Variants in ESR2 observed in about 807,000 individuals in gnomAD.
ESR2 encodes the protein estrogen receptor beta.
ESR2 carries 36 observed loss-of-function variants against 49.6 expected under a neutral mutation model. That is an observed-to-expected ratio of 0.73 (90% CI 0.56 to 0.96). ESR2 has a LOEUF of 0.96. Ranked by LOEUF, ESR2 falls within the 40% of genes least tolerant of loss-of-function variation. The pLI is 0.00. For missense variants in ESR2, 714 were observed against 693.0 expected, an observed-to-expected ratio of 1.03 and a Z score of -0.34; for synonymous variants, 320 against 266.1, an observed-to-expected ratio of 1.20 and a Z score of -1.97.
intron 1 of ESR2, among the ~76,000 whole-genome samples, chr14:64,313,956 C>G (rs1009954839): frequency 1.3e-5 from 2 of 151,776 alleles, no homozygotes; most frequent in African/African-American, 4.8e-5. Context: ...GCTCCTCTCT[C>G]AGTTGATAGA....
At chr14:64,280,714 T>C (rs2076649286) in intron 2 of ESR2, among the ~76,000 whole-genome samples, 1 of 152,198 alleles carries the variant, frequency 6.6e-6, no homozygotes, top group African/African-American at 2.4e-5. Flanking sequence ...GGTCTAGATT[T>C]AAAATAACTT....
chr14:64,277,021 A>G (rs1481010791), intron 3 of ESR2, among the ~76,000 whole-genome samples: 1 of 152,214 alleles, frequency 6.6e-6, no homozygotes, highest in East Asian at 1.9e-4. Context: ...ATGAACACCA[A>G]TAGGAAAGAG....
chr14:64,227,778 C>G (rs184960071), downstream of ESR2: 62 of 1,538,140 alleles, frequency 4.0e-5, 1 homozygote, highest in East Asian at 1.3e-3. Context: ...GCTTCTTTCA[C>G]TCAAAGCTCA....
Position 64,232,236 on chromosome 14 carries a change from T to C in ESR2, c.*901A>G, listed in dbSNP as rs184823952. 2 of 152,174 alleles carry C rather than the reference T, an allele frequency of 1.3e-5. No homozygotes were observed. The highest frequency in any genetic ancestry group is 2.4e-5 in the African/African-American group (1 of 41,420). The allele number at this position is 152,174 out of a possible 1,614,324, so 9.4% of individuals were successfully genotyped here. On this transcript the variant is annotated 3_prime_UTR_variant, in exon 9 of 9. Transcript: ENST00000341099. ...ATGGGGCAATTGTGGCTGCTACTTA[T>C]GAGGTTGTACAAGATGGAAACTGCA...
At chr14:64,238,139 C>G (rs1027391880) in intron 7 of ESR2, among the ~76,000 whole-genome samples, 1 of 152,170 alleles carries the variant, frequency 6.6e-6, no homozygotes, top group Admixed American at 6.5e-5. Flanking sequence ...GGGCTGTGTG[C>G]AACGAAGTTT....
chr14:64,325,059 A>G (rs371022595), intron 1 of ESR2, among the ~76,000 whole-genome samples: 25 of 152,268 alleles, frequency 1.6e-4, no homozygotes, highest in Admixed American at 2.6e-4. Flanking sequence ...TTAGGGATAC[A>G]CTTTGGTTTT....
intron 1 of ESR2, among the ~76,000 whole-genome samples, chr14:64,286,810 G>A (rs999832585): frequency 6.6e-6 from 1 of 151,996 alleles, no homozygotes; most frequent in African/African-American, 2.4e-5. Context: ...CCACCTCCAG[G>A]GTTTGAGGCG....
chr14:64,237,565 T>C (rs546803933), intron 7 of ESR2, among the ~76,000 whole-genome samples: 13 of 152,238 alleles, frequency 8.5e-5, no homozygotes, highest in South Asian at 2.1e-4. Context: ...GTGACAAAGA[T>C]TGAAAATATA....
intron 1 of ESR2, among the ~76,000 whole-genome samples, chr14:64,325,728 A>G (rs944182771): frequency 6.6e-6 from 1 of 152,124 alleles, no homozygotes; most frequent in Non-Finnish European, 1.5e-5. Flanking sequence ...AGACTACTCA[A>G]AGTGAAGACG....
chr14:64,336,862 C>A (rs1490048771), intron 1 of ESR2: 1 of 152,188 alleles, frequency 6.6e-6, no homozygotes, highest in African/African-American at 2.4e-5. Flanking sequence ...CCCTTGCTTT[C>A]TTTCTTATAT....
rs546990239 is a variant in ESR2, at chr14:64,284,287, T to C, written c.-90-1212A>G. On this transcript the variant is annotated intron_variant, in intron 1 of 8. Coordinates refer to ENST00000341099, the MANE Select transcript of ESR2 (RefSeq NM_001437.3). Reference sequence around the variant, plus strand: ...TGCTCTAAAAAACAGAATTTTTGTATGTAAAGTGAGCACAAGGCTGGGGGT... The same window carrying C: ...TGCTCTAAAAAACAGAATTTTTGTACGTAAAGTGAGCACAAGGCTGGGGGT... Among the ~76,000 whole-genome samples, 29 of 152,008 alleles carry C rather than the reference T, an allele frequency of 1.9e-4. No homozygotes were observed. The East Asian group carries it at 4.9e-3, about 25-fold the overall frequency.
intron 1 of ESR2, among the ~76,000 whole-genome samples, chr14:64,289,610 C>A (rs2076839186): frequency 6.6e-6 from 1 of 152,002 alleles, no homozygotes; most frequent in Non-Finnish European, 1.5e-5. Context: ...ATTGGTATAT[C>A]ACTGGATACA....
At chr14:64,228,197 C>T (rs1390777375), downstream of ESR2, among the ~76,000 whole-genome samples, 1 of 152,132 alleles carries the variant, frequency 6.6e-6, no homozygotes, top group Non-Finnish European at 1.5e-5. Context: ...GAAGACTAGC[C>T]CTGGTTTTCA....
upstream of ESR2, among the ~76,000 whole-genome samples, chr14:64,295,411 G>T (rs1466098513): frequency 1.3e-5 from 2 of 152,320 alleles, no homozygotes; most frequent in Middle Eastern, 3.4e-3. Flanking sequence ...ATAAAGATGA[G>T]GTCCACAGGT....
At chr14:64,323,265 T>C (rs1289016875) in intron 1 of ESR2, among the ~76,000 whole-genome samples, 1 of 152,200 alleles carries the variant, frequency 6.6e-6, no homozygotes. Context: ...TGGAGTGCAG[T>C]GGTGCAATCT....
At chr14:64,271,440 C>T (rs1291149863) in intron 3 of ESR2, among the ~76,000 whole-genome samples, 1 of 152,238 alleles carries the variant, frequency 6.6e-6, no homozygotes, top group Admixed American at 6.5e-5. Context: ...ATTCTCCTGC[C>T]TCAGCCTCCC....
chr14:64,285,056 G>A (rs2076762002), intron 1 of ESR2, among the ~76,000 whole-genome samples: 2 of 151,912 alleles, frequency 1.3e-5, no homozygotes, highest in South Asian at 4.2e-4. Flanking sequence ...TCACCATGTT[G>A]GCCAGGCTCG....
Position 64,233,069 on chromosome 14 carries a change from T to C in ESR2, c.*68A>G, listed in dbSNP as rs1246557461. 8 of 1,561,114 alleles carry C rather than the reference T, an allele frequency of 5.1e-6. No individual in the cohort carries two copies. In the Admixed American group the frequency reaches 7.2e-5, roughly 14 times the overall value. On this transcript the variant is annotated 3_prime_UTR_variant, in exon 9 of 9. Transcript: ENST00000341099. ...CACAGCAGAAAGATGAAGCCCAGGC[T>C]CCTGACACACTGGAGTTCACGCTTC...
At chr14:64,283,478 G>A (rs2076721394) in intron 1 of ESR2, among the ~76,000 whole-genome samples, 1 of 152,144 alleles carries the variant, frequency 6.6e-6, no homozygotes, top group Non-Finnish European at 1.5e-5. Context: ...ACGCTATGAG[G>A]CCAAGCGTAG....
Sources: gnomAD v4.1 joint callset for allele counts (sites outside exome capture counted in the v4.1 genomes callset) on GRCh38, gnomAD v4.1.1 for gene constraint, MANE v1.5 for transcripts, NCBI Gene and HGNC (gene_info 2026-07-23, HGNC 2026-07-21) for gene names.